Variants in MAN1A1 observed in about 807,000 individuals in gnomAD.
The protein encoded by MAN1A1 is mannosidase alpha class 1A member 1, also known as mannosyl-oligosaccharide 1,2-alpha-mannosidase IA.
Under a neutral mutation model 70.8 loss-of-function variants are expected in MAN1A1, and 29 were observed. The observed-to-expected ratio is 0.41, with a 90% CI of 0.31 to 0.56. The LOEUF is 0.56. Ranked by LOEUF, MAN1A1 falls within the 20% of genes least tolerant of loss-of-function variation. MAN1A1 has a pLI of 0.29. For missense variants in MAN1A1, 747 were observed against 841.3 expected, an observed-to-expected ratio of 0.89 and a Z score of 1.39; for synonymous variants, 349 against 330.1, an observed-to-expected ratio of 1.06 and a Z score of -0.62.
chr6:119,220,833 A>G (rs1342463984), intron 6 of MAN1A1, among the ~76,000 whole-genome samples: 3 of 152,198 alleles, frequency 2.0e-5, no homozygotes, highest in African/African-American at 7.2e-5. Context: ...AAGGAGAGCA[A>G]AGGAAATTTA....
intron 2 of MAN1A1, among the ~76,000 whole-genome samples, chr6:119,330,685 A>G (rs182682505): frequency 6.6e-6 from 1 of 152,150 alleles, no homozygotes; most frequent in East Asian, 1.9e-4. Context: ...TCTGTGGCCC[A>G]CTTCCTCTTC....
chr6:119,322,329 C>T (rs1773030431), intron 2 of MAN1A1, among the ~76,000 whole-genome samples: 1 of 152,166 alleles, frequency 6.6e-6, no homozygotes, highest in African/African-American at 2.4e-5. Context: ...AGGCTTGACC[C>T]TCTCAGTACT....
intron 2 of MAN1A1, among the ~76,000 whole-genome samples, chr6:119,340,232 C>T (rs748007904): frequency 6.6e-5 from 10 of 152,124 alleles, no homozygotes; most frequent in East Asian, 3.9e-4. Context: ...TCTTATGCCC[C>T]GACAGAGAGA....
At chr6:119,185,140 G>A (rs1313435688) in intron 11 of MAN1A1, among the ~76,000 whole-genome samples, 3 of 151,996 alleles carry the variant, frequency 2.0e-5, no homozygotes, top group East Asian at 1.9e-4. Flanking sequence ...CTCCCACCTC[G>A]GCCTCCCAAC....
intron 4 of MAN1A1, among the ~76,000 whole-genome samples, chr6:119,299,982 G>A (rs74942586): frequency 6.6e-6 from 1 of 152,186 alleles, no homozygotes; most frequent in Non-Finnish European, 1.5e-5. Flanking sequence ...ATTTGAGGAG[G>A]TTTGGGGCAA....
chr6:119,273,131 T>C (rs192566377), intron 5 of MAN1A1, among the ~76,000 whole-genome samples: 103 of 152,272 alleles, frequency 6.8e-4, no homozygotes, highest in African/African-American at 2.4e-3. Context: ...AACTGAATCC[T>C]GAGTAAGACT....
At chr6:119,197,480 T>C (rs1773601364) in intron 8 of MAN1A1, among the ~76,000 whole-genome samples, 1 of 152,106 alleles carries the variant, frequency 6.6e-6, no homozygotes, top group Admixed American at 6.5e-5. Flanking sequence ...CTTAGGAAGA[T>C]GCATATGGAT....
At chr6:119,320,898 G>A (rs1037624748) in intron 2 of MAN1A1, among the ~76,000 whole-genome samples, 1 of 152,074 alleles carries the variant, frequency 6.6e-6, no homozygotes, top group African/African-American at 2.4e-5. Context: ...ATACCACTCT[G>A]TTAATAACAT....
Position 119,349,680 on chromosome 6 carries a change from A to C in MAN1A1, c.-361T>G. 2.0e-6 allele frequency: 2 copies of C among 985,834 alleles called. No homozygotes were observed. 61.1% of individuals were successfully genotyped at this position (985,834 alleles called of 1,614,324 possible). On this transcript the variant is annotated 5_prime_UTR_variant, in exon 1 of 13. Transcript: ENST00000368468. The stretch of plus-strand genomic sequence containing the variant: ...CGGTCCCGCAGCCCCGGCGCGGCTC[A>C]GGTGGGCGAGCGCGCCGACCTGCGG...
At chr6:119,227,969 A>C (rs1000558603) in intron 6 of MAN1A1, among the ~76,000 whole-genome samples, 1 of 152,224 alleles carries the variant, frequency 6.6e-6, no homozygotes, top group African/African-American at 2.4e-5. Flanking sequence ...ATAATATTTC[A>C]TTGCTCTGTT....
intron 2 of MAN1A1, among the ~76,000 whole-genome samples, chr6:119,342,723 G>A (rs974471968): frequency 2.6e-5 from 4 of 152,160 alleles, no homozygotes; most frequent in Non-Finnish European, 5.9e-5. Flanking sequence ...AGATTGGTGT[G>A]ATTTTTACAT....
chr6:119,193,834 C>A lies in MAN1A1; in HGVS notation c.1269G>T (p.Trp423Cys). 6.2e-7 allele frequency: 1 copy of A among 1,613,734 alleles called. No homozygotes were observed. Among genetic ancestry groups the A allele is most frequent in the Non-Finnish European group, 8.5e-7 (1 of 1,179,822 alleles). The change falls in exon 9 of 13, where the codon TGG (tryptophan) becomes TGT (cysteine). Residue 423 changes from tryptophan (W) to cysteine (C), a missense_variant. Physicochemically the swap from Trp to Cys is radical, Grantham distance 215 (BLOSUM62 -2). Coordinates refer to ENST00000368468, the MANE Select transcript of MAN1A1 (RefSeq NM_005907.4). ...CCAGATCTGTCTTGTCAGACATTAACCAGGCCTTCAGCAAATACTCATAGA... is the reference window on the plus strand; with the variant it reads ...CCAGATCTGTCTTGTCAGACATTAAACAGGCCTTCAGCAAATACTCATAGA... ...DSFYEYLLKA[W>C]LMSDKTDLEA...
intron 4 of MAN1A1, among the ~76,000 whole-genome samples, chr6:119,300,167 T>C (rs2114437437): frequency 6.6e-6 from 1 of 152,292 alleles, no homozygotes; most frequent in Non-Finnish European, 1.5e-5. Context: ...GTCGGTTTCA[T>C]ACATAGCTAA....
At chr6:119,187,530 A>G (rs1773323865) in intron 11 of MAN1A1, among the ~76,000 whole-genome samples, 1 of 152,234 alleles carries the variant, frequency 6.6e-6, no homozygotes, top group Non-Finnish European at 1.5e-5. Context: ...AGATTCACCG[A>G]TGGCTTCCTA....
In MAN1A1 at chr6:119,227,154, C is replaced by CA. The variant is rs201445244; in HGVS notation, c.992+21105dup. On this transcript the variant is annotated intron_variant, in intron 6 of 12. Coordinates refer to ENST00000368468, the MANE Select transcript of MAN1A1 (RefSeq NM_005907.4). ...ATGAACCGCAAACACCATGCTGTAC[C>CA]AAAAAAAACTATACAGCAGAGTACA... Among the ~76,000 whole-genome samples, 241 of 151,710 alleles carry CA rather than the reference C, an allele frequency of 1.6e-3. 4 individuals carry two copies. The East Asian group carries it at 0.025, about 16-fold the overall frequency.
chr6:119,271,465 G>A (rs922597573), intron 5 of MAN1A1, among the ~76,000 whole-genome samples: 6 of 151,914 alleles, frequency 3.9e-5, no homozygotes, highest in Non-Finnish European at 5.9e-5. Flanking sequence ...TTCATTAGCT[G>A]GATGTCTCCA....
intron 8 of MAN1A1, among the ~76,000 whole-genome samples, chr6:119,196,026 T>C (rs1038623824): frequency 1.1e-4 from 16 of 152,058 alleles, no homozygotes; most frequent in African/African-American, 3.6e-4. Context: ...AAGCAAATCA[T>C]GGTTTGGCAT....
chr6:119,213,526 A>G (rs893494484), intron 6 of MAN1A1, among the ~76,000 whole-genome samples: 4 of 152,236 alleles, frequency 2.6e-5, no homozygotes, highest in Admixed American at 6.5e-5. Context: ...AACGAAGTCA[A>G]TGTGTACCCT....
At chr6:119,212,250 A>G (rs909447193) in intron 6 of MAN1A1, among the ~76,000 whole-genome samples, 6 of 152,054 alleles carry the variant, frequency 3.9e-5, no homozygotes, top group Non-Finnish European at 8.8e-5. Context: ...CATGAAAGCT[A>G]CAAGTCTGGC....
Sources: allele counts gnomAD v4.1 joint callset (sites outside exome capture counted in the v4.1 genomes callset), GRCh38; gene constraint gnomAD v4.1.1; transcripts MANE v1.5; gene names NCBI Gene and HGNC (gene_info 2026-07-23, HGNC 2026-07-21).